Variants in ANKRD6 observed in about 807,000 individuals in gnomAD.
ANKRD6 encodes the protein ankyrin repeat domain-containing protein 6.
ANKRD6 carries 56 observed loss-of-function variants against 82.3 expected under a neutral mutation model. That is an observed-to-expected ratio of 0.68 (90% confidence interval 0.55 to 0.85). The LOEUF (loss-of-function observed/expected upper bound fraction) is 0.85, where lower values mean the gene tolerates loss of function less well. Ranked by LOEUF, ANKRD6 falls within the 40% of genes least tolerant of loss-of-function variation. The pLI, the probability that ANKRD6 is intolerant of heterozygous loss-of-function variation, is 0.00. For synonymous variants in ANKRD6, 347 were observed against 352.1 expected (o/e 0.99, Z 0.16); for missense variants, 852 against 907.6 (o/e 0.94, Z 0.79).
At position 89,550,187 on chromosome 6, in the gene ANKRD6, T is replaced by C. The variant is rs183401202; in HGVS notation, c.-143-16647T>C. ...TCTGCTGTTAGGTATATATGGTATA[T>C]ATATATGTGTCTGTATATTCACCAA... On this transcript the variant is annotated intron_variant, in intron 1 of 15. Transcript: ENST00000339746. Among the ~76,000 whole-genome samples the C allele has an allele frequency of 2.3e-3, 355 of 152,320 alleles. 1 individual carries two copies. Among genetic ancestry groups the C allele is most frequent in the African/African-American group, 8.2e-3 (342 of 41,574 alleles).
chr6:89,434,799 T>C (rs1467215643), intron 1 of ANKRD6, among the ~76,000 whole-genome samples: 1 of 152,128 alleles, frequency 6.6e-6, no homozygotes, highest in Non-Finnish European at 1.5e-5. Flanking sequence ...AGTATTTGTT[T>C]AGCATATGGT....
At chr6:89,518,657 A>C (rs1056996738) in intron 1 of ANKRD6, among the ~76,000 whole-genome samples, 2 of 152,026 alleles carry the variant, frequency 1.3e-5, no homozygotes, top group African/African-American at 4.8e-5. Context: ...AAAGCATAAC[A>C]CTGATGAGGA....
At chr6:89,627,239 T>C (rs1245584263) in intron 13 of ANKRD6, among the ~76,000 whole-genome samples, 1 of 152,152 alleles carries the variant, frequency 6.6e-6, no homozygotes, top group Middle Eastern at 3.2e-3. Flanking sequence ...GTATTTTTAG[T>C]AGAGATGGGG....
In ANKRD6 at chr6:89,622,004, G is replaced by A; in HGVS notation, c.875G>A (p.Arg292Lys). The A allele has an allele frequency of 6.2e-7, 1 of 1,612,456 alleles. No homozygotes were observed. Among genetic ancestry groups the A allele is most frequent in the Non-Finnish European group, 8.5e-7 (1 of 1,179,882 alleles). Reference protein sequence around the residue: ...KEERRAQSVPRDEVAQSKGSV... With the variant: ...KEERRAQSVPKDEVAQSKGSV... ...GAGAGGAGAGCCCAGTCTGTGCCAAGAGATGAGGTGGCCCAAAGCAAGGTG... is the reference window on the plus strand; with the variant it reads ...GAGAGGAGAGCCCAGTCTGTGCCAAAAGATGAGGTGGCCCAAAGCAAGGTG... Residue 292 changes from arginine (R) to lysine (K), a missense_variant, in exon 10 of 16, where the codon AGA (arginine) becomes AAA (lysine). Transcript: ENST00000339746.
chr6:89,526,508 C>T (rs778898503), intron 1 of ANKRD6, among the ~76,000 whole-genome samples: 1 of 152,102 alleles, frequency 6.6e-6, no homozygotes, highest in Middle Eastern at 3.2e-3. Context: ...GGAGAGAGTA[C>T]CTAGTGGAAT....
intron 1 of ANKRD6, among the ~76,000 whole-genome samples, chr6:89,494,643 A>G (rs894513768): frequency 2.6e-5 from 4 of 152,192 alleles, no homozygotes; most frequent in African/African-American, 9.6e-5. Context: ...GCCTAATTAC[A>G]GAAGTGGCTT....
At chr6:89,488,031 G>C (rs1426984458) in intron 1 of ANKRD6, among the ~76,000 whole-genome samples, 3 of 152,188 alleles carry the variant, frequency 2.0e-5, no homozygotes, top group Admixed American at 1.3e-4. Flanking sequence ...TTTGTTACTT[G>C]ATACTAAGTC....
chr6:89,620,766 T>G (rs929716113), intron 9 of ANKRD6, among the ~76,000 whole-genome samples: 2 of 152,164 alleles, frequency 1.3e-5, no homozygotes, highest in Non-Finnish European at 2.9e-5. Flanking sequence ...TCTTTTTCTT[T>G]TTTAAAAATA....
At chr6:89,490,615 C>G (rs1395558179) in intron 1 of ANKRD6, among the ~76,000 whole-genome samples, 1 of 152,164 alleles carries the variant, frequency 6.6e-6, no homozygotes, top group African/African-American at 2.4e-5. Context: ...GTGAGGATGC[C>G]TGGTTACATC....
chr6:89,538,044 TA>T (rs1269487082), intron 1 of ANKRD6, among the ~76,000 whole-genome samples: 1 of 152,162 alleles, frequency 6.6e-6, no homozygotes, highest in Non-Finnish European at 1.5e-5. Flanking sequence ...TGCACTCTTC[TA>T]AAAAAACATA....
chr6:89,601,588 T>C (rs1797171545), intron 3 of ANKRD6: 1 of 152,172 alleles, frequency 6.6e-6, no homozygotes, highest in South Asian at 2.1e-4. Flanking sequence ...ACTTTTTAAT[T>C]TTAAGAAAGC....
chr6:89,528,598 C>T (rs903607327), intron 1 of ANKRD6, among the ~76,000 whole-genome samples: 1 of 152,226 alleles, frequency 6.6e-6, no homozygotes, highest in African/African-American at 2.4e-5. Context: ...TGACCTCTTC[C>T]TGTGAATCAC....
At chr6:89,613,529 G>A (rs550195907) in intron 6 of ANKRD6, among the ~76,000 whole-genome samples, 10 of 152,162 alleles carry the variant, frequency 6.6e-5, no homozygotes, top group Non-Finnish European at 1.2e-4. Flanking sequence ...CTCATGGGGA[G>A]CAGACGTCTA....
In ANKRD6 at chr6:89,535,638, T is replaced by G. The variant is rs1783729915; in HGVS notation, c.-143-31196T>G. On this transcript the variant is annotated intron_variant, in intron 1 of 15. Transcript: ENST00000339746. The stretch of plus-strand genomic sequence containing the variant: ...AGTGACCAGGACTTCAGGGCTTTGC[T>G]CCATTGACCTTATGCAGGACAAACT... Among the ~76,000 whole-genome samples the G allele has an allele frequency of 1.3e-5, 2 of 152,182 alleles. 1 individual carries two copies. The highest frequency in any genetic ancestry group is 4.1e-4 in the South Asian group (2 of 4,832).
chr6:89,545,531 C>T (rs1442763891), intron 1 of ANKRD6, among the ~76,000 whole-genome samples: 1 of 152,174 alleles, frequency 6.6e-6, no homozygotes, highest in Non-Finnish European at 1.5e-5. Flanking sequence ...TTTGTACAAG[C>T]CTTCTCTATG....
intron 1 of ANKRD6, among the ~76,000 whole-genome samples, chr6:89,503,312 T>C (rs1187354979): frequency 2.0e-5 from 3 of 152,176 alleles, no homozygotes; most frequent in Non-Finnish European, 4.4e-5. Flanking sequence ...ATTAGGCCAG[T>C]GCCTAATGTT....
chr6:89,549,399 A>G (rs1175340878), intron 1 of ANKRD6, among the ~76,000 whole-genome samples: 1 of 23,918 alleles, frequency 4.2e-5, no homozygotes. Context: ...CCACCACCCC[A>G]CACCCTCCCT....
At chr6:89,617,866 C>A in intron 8 of ANKRD6, 88 bp from the exon 9 acceptor site, 1 of 1,309,034 alleles carries the variant, frequency 7.6e-7, no homozygotes. Flanking sequence ...GTGGAACTGC[C>A]TGCTCCTGGC....
chr6:89,437,535 T>C (rs550457591), intron 1 of ANKRD6, among the ~76,000 whole-genome samples: 11 of 152,200 alleles, frequency 7.2e-5, no homozygotes, highest in South Asian at 6.2e-4. Context: ...TACACAGCTA[T>C]GGAAAAACTC....
Sources: allele counts gnomAD v4.1 joint callset (sites outside exome capture counted in the v4.1 genomes callset), GRCh38; gene constraint gnomAD v4.1.1; transcripts MANE v1.5; gene names NCBI Gene and HGNC (gene_info 2026-07-23, HGNC 2026-07-21).